The following HEXB variants were observed in gnomAD, a reference collection of about 807,000 sequenced individuals.
The protein encoded by HEXB is hexosaminidase subunit beta.
HEXB carries 51 observed loss-of-function variants against 71.2 expected under a neutral mutation model. That is an observed-to-expected ratio of 0.72 (90% CI 0.57 to 0.90). HEXB has a LOEUF of 0.90. Among genes scored for constraint, HEXB ranks in the 40% least tolerant of loss-of-function variants. The probability of loss-of-function intolerance (pLI) is 0.00; values close to 1 mark genes in which losing one functional copy is unlikely to be tolerated. For synonymous variants in HEXB, 266 were observed against 249.3 expected, an observed-to-expected ratio of 1.07 and a Z score of -0.63; for missense variants, 617 against 677.0, an observed-to-expected ratio of 0.91 and a Z score of 0.98.
rs1579958155 is a variant in HEXB, at chr5:74,721,108, T to C, written c.1614-10T>C. 2 of 1,596,256 alleles carry C rather than the reference T, an allele frequency of 1.3e-6. No individual in the cohort carries two copies. Among genetic ancestry groups the C allele is most frequent in the Admixed American group, 1.7e-5 (1 of 59,972 alleles). On this transcript the variant is annotated splice_polypyrimidine_tract_variant and intron_variant, in intron 13 of 13. Coordinates refer to ENST00000261416, the MANE Select transcript of HEXB (RefSeq NM_000521.4). ...TCAATCTAAAATATCTTTATTCATG[T>C]TATCTACAGACGTGGAATAGCTGCA...
intron 1 of HEXB, among the ~76,000 whole-genome samples, chr5:74,654,419 A>G (rs1283467790): frequency 2.6e-5 from 4 of 152,208 alleles, no homozygotes; most frequent in South Asian, 2.1e-4. Context: ...AGATGGCTGT[A>G]ACCACAGAAT....
intron 9 of HEXB, among the ~76,000 whole-genome samples, chr5:74,717,312 TA>T (rs1749694548): frequency 6.6e-6 from 1 of 152,112 alleles, no homozygotes; most frequent in Non-Finnish European, 1.5e-5. Context: ...TATATTTTAC[TA>T]TATACCTGTG....
upstream of HEXB, among the ~76,000 whole-genome samples, chr5:74,681,486 A>C (rs551489123): frequency 6.6e-6 from 1 of 152,340 alleles, no homozygotes; most frequent in African/African-American, 2.4e-5. Flanking sequence ...ACTATTCAGG[A>C]GGCTGAGACA....
intron 7 of HEXB, 32 bp from the exon 8 acceptor site, chr5:74,715,478 C>T: frequency 6.8e-7 from 1 of 1,468,176 alleles, no homozygotes; most frequent in Non-Finnish European, 9.5e-7. Context: ...GAGTACACTT[C>T]TTTTAAAAAG....
intron 9 of HEXB, 122 bp downstream of exon 9, chr5:74,716,795 A>G: frequency 1.5e-6 from 1 of 650,054 alleles, no homozygotes; most frequent in South Asian, 1.8e-5. Flanking sequence ...AAAAATCACT[A>G]AAGGAGGCAA....
chr5:74,643,277 A>G (rs1010094526), intron 1 of HEXB, among the ~76,000 whole-genome samples: 2 of 152,230 alleles, frequency 1.3e-5, no homozygotes, highest in African/African-American at 4.8e-5. Context: ...ATCCCACAGC[A>G]TCTCTCAGCC....
chr5:74,661,553 GTGTGTGTGTGTCTCTC>G (rs1218268920), intron 1 of HEXB, among the ~76,000 whole-genome samples: 4 of 63,950 alleles, frequency 6.3e-5, no homozygotes, highest in Non-Finnish European at 5.8e-5. Flanking sequence ...GTGTGTGTGT[GTGTGTGTGTGTCTCTC>G]TCTCTCTCTC....
intron 1 of HEXB, 119 bp from the exon 2 acceptor site, chr5:74,689,209 G>C: frequency 1.2e-6 from 1 of 808,766 alleles, no homozygotes; most frequent in East Asian, 2.5e-5. Flanking sequence ...AGAATCTCTA[G>C]TTGGACTTAC....
At chr5:74,687,676 T>G (rs1748904321) in intron 1 of HEXB, among the ~76,000 whole-genome samples, 1 of 152,196 alleles carries the variant, frequency 6.6e-6, no homozygotes, top group Admixed American at 6.5e-5. Flanking sequence ...TTTAATTTCT[T>G]TTTTAAAAAA....
At chr5:74,692,665 T>G (rs1300635087) in intron 2 of HEXB, among the ~76,000 whole-genome samples, 1 of 152,222 alleles carries the variant, frequency 6.6e-6, no homozygotes, top group Non-Finnish European at 1.5e-5. Context: ...ATAGAGCACT[T>G]TTGCCTACCT....
intron 1 of HEXB, among the ~76,000 whole-genome samples, chr5:74,643,530 G>T (rs1050657119): frequency 8.5e-5 from 13 of 152,182 alleles, no homozygotes; most frequent in Non-Finnish European, 1.9e-4. Flanking sequence ...GCAGGTCTTT[G>T]CCTCTGTCTT....
chr5:74,715,428 T>C, intron 7 of HEXB, 82 bp from the exon 8 acceptor site: 3 of 926,506 alleles, frequency 3.2e-6, no homozygotes, highest in Non-Finnish European at 3.5e-6. Flanking sequence ...TTCAATAAAA[T>C]GACGTAGTAA....
At chr5:74,661,016 G>C (rs1272906123) in intron 1 of HEXB, among the ~76,000 whole-genome samples, 1 of 152,096 alleles carries the variant, frequency 6.6e-6, no homozygotes, top group Non-Finnish European at 1.5e-5. Flanking sequence ...GTCAGTGAGA[G>C]AGAGAGAGAG....
At chr5:74,709,585 A>G (rs1326449109) in intron 6 of HEXB, among the ~76,000 whole-genome samples, 2 of 152,230 alleles carry the variant, frequency 1.3e-5, no homozygotes, top group Non-Finnish European at 2.9e-5. Flanking sequence ...AAATAGACGC[A>G]ATAAAAAATG....
At chr5:74,714,482 A>G (rs1749626882) in intron 7 of HEXB, among the ~76,000 whole-genome samples, 1 of 152,222 alleles carries the variant, frequency 6.6e-6, no homozygotes, top group Admixed American at 6.5e-5. Context: ...GCATAAGGAA[A>G]TGTGTGCAAA....
chr5:74,718,458 C>T (rs1277812192), intron 10 of HEXB, 95 bp downstream of exon 10: 2 of 944,904 alleles, frequency 2.1e-6, no homozygotes, highest in Non-Finnish European at 3.5e-6. Flanking sequence ...ACTAGTATTA[C>T]CTTTCTAGTG....
chr5:74,690,293 G>A (rs1748967528), intron 2 of HEXB, among the ~76,000 whole-genome samples: 1 of 152,146 alleles, frequency 6.6e-6, no homozygotes. Flanking sequence ...AATCAAAGAA[G>A]GGCAGTATAA....
chr5:74,693,484 C>G, intron 2 of HEXB, 155 bp from the exon 3 acceptor site: 1 of 696,024 alleles, frequency 1.4e-6, no homozygotes, highest in Non-Finnish European at 2.6e-6. Context: ...TGCAGGACAT[C>G]CAAATGGAGA....
intron 1 of HEXB, among the ~76,000 whole-genome samples, chr5:74,667,785 A>G (rs1007418948): frequency 7.2e-5 from 11 of 152,188 alleles, no homozygotes; most frequent in Non-Finnish European, 5.9e-5. Context: ...GATTTCAACA[A>G]CAGTATTCAA....
Sources: allele counts gnomAD v4.1 joint callset (sites outside exome capture counted in the v4.1 genomes callset), GRCh38; gene constraint gnomAD v4.1.1; transcripts MANE v1.5; gene names NCBI Gene and HGNC (gene_info 2026-07-23, HGNC 2026-07-21).